ADGB: variants seen among roughly 807,000 people sequenced by gnomAD.
ADGB encodes androglobin.
ADGB carries 172 observed loss-of-function variants against 210.5 expected under a neutral mutation model. The observed-to-expected ratio is 0.82, with a 90% CI of 0.72 to 0.93. The LOEUF (loss-of-function observed/expected upper bound fraction) is 0.93, where lower values mean the gene tolerates loss of function less well. Among genes scored for constraint, ADGB ranks in the 40% least tolerant of loss-of-function variants. The probability of loss-of-function intolerance (pLI) is 0.00; values close to 1 mark genes in which losing one functional copy is unlikely to be tolerated. For missense variants in ADGB, 2,025 were observed against 1,964.8 expected (o/e 1.03, Z -0.58); for synonymous variants, 658 against 662.7 (o/e 0.99, Z 0.11).
chr6:146,614,530 T>C (rs1780762359), intron 1 of ADGB, among the ~76,000 whole-genome samples: 1 of 152,230 alleles, frequency 6.6e-6, no homozygotes, highest in South Asian at 2.1e-4. Context: ...TGTACACATT[T>C]TGTGTGGCTT....
At chr6:146,763,841 G>C (rs1300840354) in intron 27 of ADGB, 60 bp from the exon 28 acceptor site, 58 of 1,361,956 alleles carry the variant, frequency 4.3e-5, no homozygotes, top group African/African-American at 5.8e-5. Context: ...AACTGATTTA[G>C]TCAGTAATAA....
At chr6:146,775,516 A>G (rs537860639) in intron 29 of ADGB, among the ~76,000 whole-genome samples, 3 of 152,264 alleles carry the variant, frequency 2.0e-5, no homozygotes, top group African/African-American at 7.2e-5. Flanking sequence ...TAGTGATGTC[A>G]CCTGCCTTCA....
rs896812335 is a variant in ADGB at position 146,644,761 on chromosome 6, A to G, written c.238-12A>G. On this transcript the variant is annotated splice_polypyrimidine_tract_variant and intron_variant, in intron 2 of 35. Transcript: ENST00000397944. ...AGAATATGCAGAAAAAACTCAATTT[A>G]TTTTTATATAGCATTTTTTTGAGGA... 2 of 1,395,432 alleles carry G rather than the reference A, an allele frequency of 1.4e-6. No individual in the cohort carries two copies. Among genetic ancestry groups the G allele is most frequent in the Admixed American group, 6.3e-5 (2 of 31,826 alleles). The allele number at this position is 1,395,432 out of a possible 1,614,324, so 86.4% of individuals were successfully genotyped here. A position where few individuals can be genotyped will look rare whatever the true frequency, so the allele number is the denominator to read the frequency against.
intron 10 of ADGB, among the ~76,000 whole-genome samples, chr6:146,689,433 T>A (rs1311523635): frequency 6.6e-6 from 1 of 152,178 alleles, no homozygotes; most frequent in Non-Finnish European, 1.5e-5. Flanking sequence ...GCCAAAATCA[T>A]GTTAGTACTT....
rs1265320648 is a variant in ADGB, at chr6:146,815,163, A to G, written c.4950A>G (p.Glu1650=). 2.6e-6 allele frequency: 4 copies of G among 1,535,758 alleles called. No homozygotes were observed. The highest frequency in any genetic ancestry group is 2.8e-5 in the African/African-American group (2 of 71,238). The change falls in exon 36 of 36, where the codon GAA becomes GAG. Residue 1650 remains glutamate (E), a synonymous_variant. Coordinates refer to ENST00000397944, the MANE Select transcript of ADGB (RefSeq NM_024694.4). ...AQEAAMKLET[E]KMTPAPDTQK... is the part of the protein sequence containing the mutation. ...AAGCAGCCATGAAGCTGGAGACAGAAAAGATGACCCCAGCTCCTGACACAC... is the reference window on the plus strand; with the variant it reads ...AAGCAGCCATGAAGCTGGAGACAGAGAAGATGACCCCAGCTCCTGACACAC...
chr6:146,792,020 T>C (rs1306834547), intron 33 of ADGB, among the ~76,000 whole-genome samples: 4 of 151,756 alleles, frequency 2.6e-5, no homozygotes, highest in Non-Finnish European at 4.4e-5. Flanking sequence ...TGCTCCCACC[T>C]TGGCCTCCCA....
Position 146,785,521 on chromosome 6 carries a change from T to C in ADGB, c.4213-89T>C, listed in dbSNP as rs990485138. ...ATTTAATTCACATTTTCCTGTTTCG[T>C]TTTCGATTGAATACCATTAACATGT... On this transcript the variant is annotated intron_variant, in intron 31 of 35. Transcript: ENST00000397944. The C allele has an allele frequency of 5.2e-6, 5 of 965,906 alleles. No individual in the cohort carries two copies. The African/African-American group carries it at 8.1e-5, about 16-fold the overall frequency. 59.8% of individuals were successfully genotyped at this position (965,906 alleles called of 1,614,324 possible). A position where few individuals can be genotyped will look rare whatever the true frequency, so the allele number is the denominator to read the frequency against.
intron 1 of ADGB, among the ~76,000 whole-genome samples, chr6:146,630,928 A>G (rs1430933631): frequency 6.6e-6 from 1 of 152,202 alleles, no homozygotes; most frequent in Non-Finnish European, 1.5e-5. Flanking sequence ...AAGAAAACTC[A>G]ATGTTATATT....
chr6:146,697,767 G>A (rs1776427309), intron 12 of ADGB, among the ~76,000 whole-genome samples: 1 of 151,980 alleles, frequency 6.6e-6, no homozygotes, highest in South Asian at 2.1e-4. Flanking sequence ...ATCCCTAAAG[G>A]GAAAAGTTTA....
At chr6:146,685,866 T>C in intron 10 of ADGB, 38 bp downstream of exon 10, 1 of 1,366,896 alleles carries the variant, frequency 7.3e-7, no homozygotes, top group Non-Finnish European at 1.0e-6. Flanking sequence ...TTATTTATTT[T>C]GTGTGTGTGG....
At chr6:146,788,102 TC>T (rs1027247081) in intron 32 of ADGB, among the ~76,000 whole-genome samples, 1 of 152,164 alleles carries the variant, frequency 6.6e-6, no homozygotes, top group Non-Finnish European at 1.5e-5. Context: ...CTTCACAGCA[TC>T]CCCAATAATT....
chr6:146,738,858 T>C (rs1285097218), intron 23 of ADGB, among the ~76,000 whole-genome samples: 1 of 152,278 alleles, frequency 6.6e-6, no homozygotes, highest in African/African-American at 2.4e-5. Context: ...GGGCCTATCA[T>C]AGGAAAATCT....
intron 33 of ADGB, among the ~76,000 whole-genome samples, chr6:146,790,130 T>C (rs142238780): frequency 1.3e-5 from 2 of 152,322 alleles, no homozygotes; most frequent in African/African-American, 4.8e-5. Context: ...TATGGAATGA[T>C]CAAATTAGGC....
chr6:146,746,363 C>G (rs999237781), intron 26 of ADGB, among the ~76,000 whole-genome samples: 1 of 152,138 alleles, frequency 6.6e-6, no homozygotes, highest in Non-Finnish European at 1.5e-5. Flanking sequence ...TTCTTCATGA[C>G]ATGGCTTCCT....
At chr6:146,774,258 CAGT>C (rs1777692430) in intron 29 of ADGB, among the ~76,000 whole-genome samples, 1 of 151,960 alleles carries the variant, frequency 6.6e-6, no homozygotes, top group Admixed American at 6.5e-5. Context: ...GAAATGAACA[CAGT>C]AGTTTAATTC....
At chr6:146,728,325 G>A (rs758510463) in intron 19 of ADGB, among the ~76,000 whole-genome samples, 2 of 152,004 alleles carry the variant, frequency 1.3e-5, no homozygotes, top group Non-Finnish European at 2.9e-5. Context: ...TTAATACGGT[G>A]GGGGAAATTT....
intron 18 of ADGB, chr6:146,724,998 A>C (rs1315798403): frequency 6.6e-6 from 1 of 152,252 alleles, no homozygotes; most frequent in Non-Finnish European, 1.5e-5. Flanking sequence ...AATCATGCTA[A>C]TTCTATGTGA....
At chr6:146,673,434 A>T (rs1188279709) in intron 8 of ADGB, among the ~76,000 whole-genome samples, 1 of 152,198 alleles carries the variant, frequency 6.6e-6, no homozygotes, top group African/African-American at 2.4e-5. Context: ...TAAGAAATGC[A>T]TCTTTGTTGT....
intron 29 of ADGB, among the ~76,000 whole-genome samples, chr6:146,774,580 A>G (rs1777695766): frequency 1.3e-5 from 2 of 152,176 alleles, no homozygotes; most frequent in East Asian, 1.9e-4. Context: ...TTGTTGGGCA[A>G]TCTTCTTGAA....
Sources: allele counts gnomAD v4.1 joint callset (sites outside exome capture counted in the v4.1 genomes callset), GRCh38; gene constraint gnomAD v4.1.1; transcripts MANE v1.5; gene names NCBI Gene and HGNC (gene_info 2026-07-23, HGNC 2026-07-21).